DTNA: variants seen among roughly 807,000 people sequenced by gnomAD.
DTNA encodes the protein dystrobrevin alpha.
DTNA carries 43 observed loss-of-function variants against 100.7 expected under a neutral mutation model. The ratio of observed to expected loss-of-function variants is 0.43; its 90% CI spans 0.33 to 0.55. The LOEUF is 0.55. Ranked by LOEUF, DTNA falls within the 20% of genes least tolerant of loss-of-function variation. The pLI, the probability that DTNA is intolerant of heterozygous loss-of-function variation, is 0.04. For missense variants in DTNA, 798 were observed against 953.9 expected (o/e 0.84, Z 2.15); for synonymous variants, 349 against 347.9 (o/e 1.00, Z -0.04).
At chr18:34,766,249 A>G (rs948197421) in intron 3 of DTNA, among the ~76,000 whole-genome samples, 1 of 152,342 alleles carries the variant, frequency 6.6e-6, no homozygotes, top group South Asian at 2.1e-4. Flanking sequence ...ATACTAAAGC[A>G]TATGAACCGT....
chr18:34,834,966 A>C (rs938432284), intron 11 of DTNA, among the ~76,000 whole-genome samples: 1 of 152,208 alleles, frequency 6.6e-6, no homozygotes, highest in Non-Finnish European at 1.5e-5. Flanking sequence ...TTCTGGTGGA[A>C]AGTACTTCAA....
chr18:34,806,882 A>G (rs2095373652), intron 5 of DTNA, among the ~76,000 whole-genome samples: 1 of 152,206 alleles, frequency 6.6e-6, no homozygotes, highest in South Asian at 2.1e-4. Context: ...GTCTCTAAAT[A>G]TGGTAGAGTT....
chr18:34,776,378 G>A (rs1453413689), intron 3 of DTNA, among the ~76,000 whole-genome samples: 1 of 152,140 alleles, frequency 6.6e-6, no homozygotes, highest in Admixed American at 6.5e-5. Context: ...CTGTCGCCCA[G>A]GCTGGAGTGC....
chr18:34,505,578 T>G (rs1431490719), intron 1 of DTNA, among the ~76,000 whole-genome samples: 2 of 152,178 alleles, frequency 1.3e-5, no homozygotes, highest in Non-Finnish European at 2.9e-5. Context: ...TTTTCTATCT[T>G]GTAGCTCCCA....
intron 1 of DTNA, among the ~76,000 whole-genome samples, chr18:34,585,858 T>C (rs1251716890): frequency 6.6e-6 from 1 of 152,144 alleles, no homozygotes; most frequent in Non-Finnish European, 1.5e-5. Flanking sequence ...GCTCTACAGT[T>C]TTGTGTAGTT....
intron 1 of DTNA, among the ~76,000 whole-genome samples, chr18:34,592,569 GA>G (rs1342945587): frequency 1.3e-5 from 2 of 151,650 alleles, no homozygotes; most frequent in Middle Eastern, 3.2e-3. Context: ...TTTCAGTGGG[GA>G]GATAGAAGTG....
chr18:34,506,459 T>A (rs1275531372), intron 1 of DTNA, among the ~76,000 whole-genome samples: 1 of 152,202 alleles, frequency 6.6e-6, no homozygotes, highest in Non-Finnish European at 1.5e-5. Context: ...TTGTTACAGC[T>A]TGGCAAGGAT....
chr18:34,701,529 T>A (rs1450395861), intron 1 of DTNA, among the ~76,000 whole-genome samples: 1 of 152,018 alleles, frequency 6.6e-6, no homozygotes, highest in African/African-American at 2.4e-5. Context: ...TAAAAAAAAA[T>A]TCCTCTCTAC....
At position 34,888,974 on chromosome 18, in the gene DTNA, C is replaced by T. The variant is rs1038358819; in HGVS notation, c.*1240C>T. The T allele has an allele frequency of 1.0e-5, 10 of 985,646 alleles. No individual in the cohort carries two copies. The highest frequency in any genetic ancestry group is 1.2e-4 in the Admixed American group (2 of 16,266). 61.1% of individuals were successfully genotyped at this position (985,646 alleles called of 1,614,324 possible). On this transcript the variant is annotated 3_prime_UTR_variant, in exon 23 of 23. Coordinates refer to ENST00000444659, the MANE Select transcript of DTNA (RefSeq NM_001386795.1). Reference sequence around the variant, plus strand: ...TAAGTTGAGTTGGGATTTTTGCACTCAGTGAAAAGCTGAAGTGCAAAAGAG... The same window carrying T: ...TAAGTTGAGTTGGGATTTTTGCACTTAGTGAAAAGCTGAAGTGCAAAAGAG...
At chr18:34,600,380 TAG>T (rs891531254) in intron 1 of DTNA, among the ~76,000 whole-genome samples, 7 of 152,192 alleles carry the variant, frequency 4.6e-5, no homozygotes, top group Non-Finnish European at 7.4e-5. Flanking sequence ...AAAAGAGCAA[TAG>T]AGTTACTTTA....
chr18:34,625,528 A>G (rs531524729), intron 1 of DTNA, among the ~76,000 whole-genome samples: 85 of 152,358 alleles, frequency 5.6e-4, no homozygotes, highest in Admixed American at 5.0e-3. Flanking sequence ...CACAAAGGAC[A>G]ATAATACAAA....
intron 1 of DTNA, among the ~76,000 whole-genome samples, chr18:34,503,278 CATT>C (rs2040129124): frequency 1.8e-5 from 2 of 112,570 alleles, no homozygotes; most frequent in African/African-American, 3.3e-5. Flanking sequence ...ATAATTGGCT[CATT>C]TTTTTTTTTT....
intron 14 of DTNA, among the ~76,000 whole-genome samples, chr18:34,849,143 G>A (rs2149886524): frequency 6.6e-6 from 1 of 152,324 alleles, no homozygotes; most frequent in South Asian, 2.1e-4. Flanking sequence ...AAAGTGTACT[G>A]TGTGCCCCCA....
At chr18:34,877,463 TTG>T (rs1293314062) in intron 18 of DTNA, among the ~76,000 whole-genome samples, 1 of 152,150 alleles carries the variant, frequency 6.6e-6, no homozygotes, top group Non-Finnish European at 1.5e-5. Flanking sequence ...ACCTTCAAAA[TTG>T]TCCCCATATG....
intron 6 of DTNA, 143 bp from the exon 7 acceptor site, chr18:34,815,766 C>A: frequency 1.3e-6 from 1 of 751,898 alleles, no homozygotes; most frequent in Non-Finnish European, 2.3e-6. Flanking sequence ...AGTTTAATAA[C>A]ACATTTGGCA....
At chr18:34,524,747 A>G (rs922102671) in intron 1 of DTNA, among the ~76,000 whole-genome samples, 3 of 151,608 alleles carry the variant, frequency 2.0e-5, no homozygotes, top group Non-Finnish European at 4.4e-5. Context: ...TTAGAGACAC[A>G]AGAGGATTTT....
chr18:34,711,851 C>T (rs148982088), intron 1 of DTNA, among the ~76,000 whole-genome samples: 324 of 152,202 alleles, frequency 2.1e-3, no homozygotes, highest in African/African-American at 7.7e-3. Flanking sequence ...TCCATGATGA[C>T]AGATATCAAA....
At chr18:34,748,231 A>G (rs2091898665) in intron 1 of DTNA, among the ~76,000 whole-genome samples, 1 of 34,180 alleles carries the variant, frequency 2.9e-5, no homozygotes, top group Non-Finnish European at 9.2e-5. Context: ...GCATAGTTTG[A>G]GAAGATTTTC....
chr18:34,784,030 A>G (rs2094430090), intron 3 of DTNA, among the ~76,000 whole-genome samples: 1 of 152,076 alleles, frequency 6.6e-6, no homozygotes, highest in Admixed American at 6.5e-5. Flanking sequence ...CTCAAACTTT[A>G]TTGTCTAACA....
Sources: gnomAD v4.1 joint callset for allele counts (sites outside exome capture counted in the v4.1 genomes callset) on GRCh38, gnomAD v4.1.1 for gene constraint, MANE v1.5 for transcripts, NCBI Gene and HGNC (gene_info 2026-07-23, HGNC 2026-07-21) for gene names.